Variants in CNTFR observed in about 807,000 individuals in gnomAD.
The protein encoded by CNTFR is ciliary neurotrophic factor receptor subunit alpha.
A neutral mutation model predicts 40.4 loss-of-function variants in CNTFR; 12 were observed. The observed-to-expected ratio is 0.30, with a 90% CI of 0.19 to 0.48. The LOEUF (loss-of-function observed/expected upper bound fraction) is 0.48, where lower values mean the gene tolerates loss of function less well. Among genes scored for constraint, CNTFR ranks in the 20% least tolerant of loss-of-function variants. CNTFR has a pLI of 0.99. For missense variants in CNTFR, 414 were observed against 506.8 expected (o/e 0.82, Z 1.76); for synonymous variants, 202 against 209.6 (o/e 0.96, Z 0.31).
chr9:34,557,975 C>A lies in CNTFR; in HGVS notation c.329G>T (p.Arg110Leu). The A allele has an allele frequency of 6.5e-7, 1 of 1,543,024 alleles. No homozygotes were observed. The highest frequency in any genetic ancestry group is 1.3e-5 in the South Asian group (1 of 78,924). The change falls in exon 5 of 10, where the codon CGG becomes CTG. Residue 110 changes from arginine (R) to leucine (L), a missense_variant. Arg to Leu is a moderately radical substitution (Grantham distance 102). This residue lies in a region of CNTFR where 250 missense variants were observed against 269.5 expected (regional missense o/e 0.93). Transcript: ENST00000378980. The surrounding 1 kb of genome is among the most constrained non-coding windows in gnomAD (Gnocchi z 4.2). ...QVLLHVGLPP[R>L]EPVLSCRSNT... Reference sequence around the variant, plus strand: ...GGAGCGGCAGCTGAGCACAGGCTCCCGCGGCGGCACTGGGGGTGAGGACAG... The same window carrying A: ...GGAGCGGCAGCTGAGCACAGGCTCCAGCGGCGGCACTGGGGGTGAGGACAG...
intron 3 of CNTFR, among the ~76,000 whole-genome samples, chr9:34,568,626 T>C (rs909826565): frequency 6.6e-6 from 1 of 151,954 alleles, no homozygotes; most frequent in Non-Finnish European, 1.5e-5. Flanking sequence ...GCCTCCCCCG[T>C]CAACTCCCAT....
intron 2 of CNTFR, among the ~76,000 whole-genome samples, chr9:34,578,479 T>G (rs1007413702): frequency 1.3e-5 from 2 of 152,164 alleles, no homozygotes; most frequent in African/African-American, 4.8e-5. Context: ...CAAGGAGAAG[T>G]TGCCGCAGGC....
chr9:34,570,428 A>G (rs900417815), intron 2 of CNTFR, among the ~76,000 whole-genome samples: 5 of 152,268 alleles, frequency 3.3e-5, no homozygotes, highest in African/African-American at 9.6e-5. Context: ...GAGCACAGGC[A>G]GTGAAGCCGT....
At chr9:34,565,577 G>GT (rs1473167073) in intron 3 of CNTFR, among the ~76,000 whole-genome samples, 3 of 152,128 alleles carry the variant, frequency 2.0e-5, no homozygotes, top group African/African-American at 7.2e-5. Context: ...GGCTTGGGGG[G>GT]TGCGGTGCTG....
intron 2 of CNTFR, among the ~76,000 whole-genome samples, chr9:34,580,482 C>T (rs1268401953): frequency 2.0e-5 from 3 of 152,200 alleles, no homozygotes; most frequent in South Asian, 2.1e-4. Context: ...AGCCCCCAGC[C>T]GGGAAAATGG....
chr9:34,578,880 C>T (rs1183246118), intron 2 of CNTFR, among the ~76,000 whole-genome samples: 1 of 152,216 alleles, frequency 6.6e-6, no homozygotes, highest in African/African-American at 2.4e-5. Flanking sequence ...CAATGCCACC[C>T]GTCCTCCAGT....
In CNTFR at chr9:34,554,172, C is replaced by G. The variant is rs548521060; in HGVS notation, c.769-1318G>C. Reference sequence around the variant, plus strand: ...GGAGGGTCCCAAAGACCCTCTTCTCCTGGAGCCAGGGTCCCAGTTCCACCT... The same window carrying G: ...GGAGGGTCCCAAAGACCCTCTTCTCGTGGAGCCAGGGTCCCAGTTCCACCT... On this transcript the variant is annotated intron_variant, in intron 7 of 9. Transcript: ENST00000378980. 1.1e-4 allele frequency among the ~76,000 whole-genome samples: 17 copies of G among 152,276 alleles called. No individual in the cohort carries two copies. The East Asian group carries it at 3.3e-3, about 29-fold the overall frequency.
intron 4 of CNTFR, among the ~76,000 whole-genome samples, chr9:34,558,919 C>CT (rs1825958017): frequency 1.3e-5 from 2 of 152,208 alleles, no homozygotes; most frequent in South Asian, 2.1e-4. Flanking sequence ...AGCCCGCACT[C>CT]TTTTTTGCTG....
In CNTFR at chr9:34,556,283, C is replaced by T. The variant is rs1262543378; in HGVS notation, c.740G>A (p.Arg247Gln). The stretch of plus-strand genomic sequence containing the variant: ...CTGCCACTGGTCCAGGATGAGGGGT[C>T]GGTAGCGCAGAAAGAACTTGAGAGG... Reference protein sequence around the residue: ...SFPLKFFLRYRPLILDQWQHV... With the variant: ...SFPLKFFLRYQPLILDQWQHV... The change falls in exon 7 of 10, where the codon CGA becomes CAA. Residue 247 changes from arginine (R) to glutamine (Q), a missense_variant. Around this residue, in one of 3 missense-constraint regions of CNTFR, gnomAD observed 83 missense variants for 145.0 expected, o/e 0.57. Transcript: ENST00000378980. 5 of 1,613,022 alleles carry T rather than the reference C, an allele frequency of 3.1e-6. No homozygotes were observed. Among genetic ancestry groups the T allele is most frequent in the South Asian group, 1.1e-5 (1 of 90,840 alleles).
rs527286027 is a variant in CNTFR, at chr9:34,580,495, A to C, written c.-1+600T>G. 9.8e-5 allele frequency among the ~76,000 whole-genome samples: 15 copies of C among 152,300 alleles called. 1 individual carries two copies. The highest frequency in any genetic ancestry group is 6.8e-3 in the Middle Eastern group (2 of 294). Reference sequence around the variant, plus strand: ...TCAGCCCCCAGCCGGGAAAATGGCCAGTCTGTTTGGGAGCTGAGATGAAAA... The same window carrying C: ...TCAGCCCCCAGCCGGGAAAATGGCCCGTCTGTTTGGGAGCTGAGATGAAAA... On this transcript the variant is annotated intron_variant, in intron 2 of 9. Coordinates refer to ENST00000378980, the MANE Select transcript of CNTFR (RefSeq NM_147164.3).
In CNTFR at chr9:34,552,385, TGG is replaced by T; in HGVS notation, c.950-58_950-57del. 6.8e-7 allele frequency: 1 copy of T among 1,480,946 alleles called. No homozygotes were observed. The highest frequency in any genetic ancestry group is 9.0e-7 in the Non-Finnish European group (1 of 1,109,720). 91.7% of individuals were successfully genotyped at this position (1,480,946 alleles called of 1,614,324 possible). On this transcript the variant is annotated intron_variant, in intron 8 of 9. Transcript: ENST00000378980. This position sits in a 1 kb window ranked among gnomAD's most constrained non-coding sequence, Gnocchi z 5.1. ...GCCAGGGCTGGGTCCCATCCAGATC[TGG>T]GGGCTCATGAGACATACCATTCTGC... is the stretch of plus-strand genomic sequence containing the variant.
chr9:34,565,430 A>C (rs1826244639), intron 3 of CNTFR, among the ~76,000 whole-genome samples: 1 of 147,602 alleles, frequency 6.8e-6, no homozygotes, highest in Non-Finnish European at 1.5e-5. Context: ...CCAGCCTGCC[A>C]CCCCACAACA....
At chr9:34,585,795 A>AG (rs1205773230) in intron 1 of CNTFR, among the ~76,000 whole-genome samples, 1 of 152,100 alleles carries the variant, frequency 6.6e-6, no homozygotes, top group East Asian at 1.9e-4. Flanking sequence ...GGTCTGGAGG[A>AG]GGGGTCAGTT....
At chr9:34,567,230 G>C (rs1187450813) in intron 3 of CNTFR, among the ~76,000 whole-genome samples, 2 of 152,154 alleles carry the variant, frequency 1.3e-5, no homozygotes. Flanking sequence ...AAAGGAATCA[G>C]CTGTGAAAAG....
upstream of CNTFR, among the ~76,000 whole-genome samples, chr9:34,590,553 G>A (rs927409674): frequency 6.6e-6 from 1 of 152,242 alleles, no homozygotes; most frequent in Non-Finnish European, 1.5e-5. Flanking sequence ...GGGAGCCCAG[G>A]CCCATGCCTC....
At chr9:34,556,691 C>T (rs1825847322) in intron 6 of CNTFR, among the ~76,000 whole-genome samples, 1 of 152,156 alleles carries the variant, frequency 6.6e-6, no homozygotes, top group Non-Finnish European at 1.5e-5. Context: ...CTCATCATCC[C>T]ATCATCCCAA....
intron 4 of CNTFR, among the ~76,000 whole-genome samples, chr9:34,560,619 C>T (rs183733997): frequency 4.9e-4 from 75 of 152,340 alleles, no homozygotes; most frequent in Non-Finnish European, 8.8e-4. Flanking sequence ...CATGTTCACA[C>T]GTATGAACTG....
intron 4 of CNTFR, among the ~76,000 whole-genome samples, chr9:34,561,805 T>A (rs918394134): frequency 6.6e-6 from 1 of 152,248 alleles, no homozygotes; most frequent in African/African-American, 2.4e-5. Flanking sequence ...ATAAAGTGAC[T>A]GAGACGATAA....
Position 34,552,614 on chromosome 9 carries a change from G to C in CNTFR, c.949+60C>G. On this transcript the variant is annotated intron_variant, in intron 8 of 9. Transcript: ENST00000378980. The surrounding 1 kb of genome is among the most constrained non-coding windows in gnomAD (Gnocchi z 5.1). ...GGCAGCAGGGTAGAACCAGGCCACA[G>C]GTTCTACCACAGGCCTCCAGGACAG... 1 of 1,555,070 alleles carries C rather than the reference G, an allele frequency of 6.4e-7. No individual in the cohort carries two copies. The highest frequency in any genetic ancestry group is 8.7e-7 in the Non-Finnish European group (1 of 1,149,570).
Sources: gnomAD v4.1 joint callset for allele counts (sites outside exome capture counted in the v4.1 genomes callset) on GRCh38, gnomAD v4.1.1 for gene constraint, gnomAD v4.1.1 regional missense constraint, Gnocchi (gnomAD v3.1) non-coding constraint, MANE v1.5 for transcripts, NCBI Gene and HGNC (gene_info 2026-07-23, HGNC 2026-07-21) for gene names.